RSRC2: variants seen among roughly 807,000 people sequenced by gnomAD.
RSRC2 encodes the protein arginine/serine-rich coiled-coil protein 2.
Under a neutral mutation model 61.3 loss-of-function variants are expected in RSRC2, and 5 were observed. The ratio of observed to expected loss-of-function variants is 0.08; its 90% CI spans 0.04 to 0.17. The LOEUF (loss-of-function observed/expected upper bound fraction) is 0.17, where lower values mean the gene tolerates loss of function less well. Among genes scored for constraint, RSRC2 ranks in the 10% least tolerant of loss-of-function variants. The pLI is 1.00. For synonymous variants in RSRC2, 202 were observed against 166.5 expected, an observed-to-expected ratio of 1.21 and a Z score of -1.64; for missense variants, 381 against 518.8, an observed-to-expected ratio of 0.73 and a Z score of 2.58.
chr12:122,509,855 G>A lies in RSRC2; in HGVS notation c.805+1254C>T, dbSNP rs540366864. 1.2e-3 allele frequency among the ~76,000 whole-genome samples: 186 copies of A among 151,328 alleles called. 1 individual carries two copies. The highest frequency in any genetic ancestry group is 2.8e-3 in the Admixed American group (42 of 15,206). ...TTTTGTTTTTGTTTTTTTCTTTTTCGTGAGACAGGGTCTCACTCTGTCACC... is the reference window on the plus strand; with the variant it reads ...TTTTGTTTTTGTTTTTTTCTTTTTCATGAGACAGGGTCTCACTCTGTCACC... On this transcript the variant is annotated intron_variant, in intron 7 of 9. Transcript: ENST00000331738.
At chr12:122,518,118 C>G (rs1216049278) in intron 4 of RSRC2, among the ~76,000 whole-genome samples, 1 of 151,938 alleles carries the variant, frequency 6.6e-6, no homozygotes, top group East Asian at 1.9e-4. Context: ...ACAACATGGC[C>G]AAAACCCGTC....
In RSRC2 at chr12:122,517,392, C is replaced by T. The variant is rs140060491; in HGVS notation, c.437G>A (p.Arg146Gln). 15 of 1,614,092 alleles carry T rather than the reference C, an allele frequency of 9.3e-6. No individual in the cohort carries two copies. In the Admixed American group the frequency reaches 1.0e-4, roughly 11 times the overall value. The change falls in exon 5 of 10, where the codon CGA (arginine) becomes CAA (glutamine). Residue 146 changes from arginine (R) to glutamine (Q), a missense_variant. By Grantham distance (43) the Arg-to-Gln change is conservative. Transcript: ENST00000331738. ...TTTCTTCCGCTCCCTACTCCTGGAT[C>T]GAGACTTCTTCCGCTCCCTGCTTCT... ...RSRSRERKKS[R>Q]SRSRERKKSR...
At chr12:122,516,325 ACCT>A (rs775108623) in intron 5 of RSRC2, among the ~76,000 whole-genome samples, 1 of 152,154 alleles carries the variant, frequency 6.6e-6, no homozygotes, top group East Asian at 1.9e-4. Flanking sequence ...TTTATTGTAC[ACCT>A]CCTATCTCAA....
At position 122,518,971 on chromosome 12, in the gene RSRC2, T is replaced by G; in HGVS notation, c.266A>C (p.Asn89Thr). 1 of 1,613,730 alleles carries G rather than the reference T, an allele frequency of 6.2e-7. No homozygotes were observed. The highest frequency in any genetic ancestry group is 8.5e-7 in the Non-Finnish European group (1 of 1,179,688). Reference sequence around the variant, plus strand: ...TTTATCAGAAGAATGTTCTTTGTCATTATGTTCCTCAGACTTATGTTTCTT... The same window carrying G: ...TTTATCAGAAGAATGTTCTTTGTCAGTATGTTCCTCAGACTTATGTTTCTT... Reference protein sequence around the residue: ...SSKKHKSEEHNDKEHSSDKGR... With the variant: ...SSKKHKSEEHTDKEHSSDKGR... The change falls in exon 4 of 10, where the codon AAT (asparagine) becomes ACT (threonine). Residue 89 changes from asparagine to threonine, a missense_variant. Around this residue, in one of 4 missense-constraint regions of RSRC2, gnomAD observed 266 missense variants for 270.5 expected, o/e 0.98. Coordinates refer to ENST00000331738, the MANE Select transcript of RSRC2 (RefSeq NM_023012.6).
intron 3 of RSRC2, chr12:122,520,279 A>T (rs911797576): frequency 1.1e-5 from 3 of 262,992 alleles, no homozygotes; most frequent in Non-Finnish European, 1.5e-5. Context: ...TTTTAGTTTC[A>T]TTGCCAGTTC....
At chr12:122,521,454 A>C (rs772872467) in intron 2 of RSRC2, 26 bp from the exon 3 acceptor site, 1 of 1,597,604 alleles carries the variant, frequency 6.3e-7, no homozygotes, top group Non-Finnish European at 8.6e-7. Context: ...AAAAATAATC[A>C]CCATAAACAA....
At chr12:122,515,365 G>A (rs763114851) in intron 5 of RSRC2, 138 bp from the exon 6 acceptor site, 16 of 802,936 alleles carry the variant, frequency 2.0e-5, no homozygotes, top group Non-Finnish European at 2.9e-5. Context: ...TAAAACATCA[G>A]TGTTACAGCT....
chr12:122,505,481 A>G lies in RSRC2; in HGVS notation c.*46T>C, dbSNP rs1428546294. On this transcript the variant is annotated 3_prime_UTR_variant, in exon 10 of 10. Transcript: ENST00000331738. ...GTTTGGTGAACAAGGACGTGACATC[A>G]GAACAAGAAGTCTATAAGTCCCAAA... The G allele has an allele frequency of 5.1e-6, 8 of 1,561,610 alleles. No individual in the cohort carries two copies. Among genetic ancestry groups the G allele is most frequent in the Non-Finnish European group, 7.0e-6 (8 of 1,140,648 alleles).
intron 5 of RSRC2, among the ~76,000 whole-genome samples, chr12:122,515,975 T>A (rs1383181018): frequency 1.3e-5 from 2 of 151,828 alleles, no homozygotes; most frequent in African/African-American, 4.8e-5. Flanking sequence ...GGCGACAGAG[T>A]GAGACTCTGT....
intron 7 of RSRC2, among the ~76,000 whole-genome samples, chr12:122,508,849 G>A (rs113719675): frequency 0.025 from 3,844 of 151,830 alleles, 144 homozygotes; most frequent in African/African-American, 0.085. Context: ...TCAGCTACTC[G>A]GGAGGCTGAC....
At chr12:122,508,970 A>G (rs1300968035) in intron 7 of RSRC2, among the ~76,000 whole-genome samples, 2 of 152,140 alleles carry the variant, frequency 1.3e-5, no homozygotes, top group South Asian at 4.1e-4. Flanking sequence ...ACAAAAAAAA[A>G]ACCCATTTAT....
At chr12:122,520,394 A>T in intron 3 of RSRC2, 1 of 640,466 alleles carries the variant, frequency 1.6e-6, no homozygotes, top group Non-Finnish European at 2.6e-6. Context: ...GTTTATTTCA[A>T]ACCAGTTTTT....
intron 6 of RSRC2, among the ~76,000 whole-genome samples, chr12:122,512,267 G>C (rs1035653495): frequency 1.3e-5 from 2 of 152,194 alleles, no homozygotes; most frequent in African/African-American, 4.8e-5. Flanking sequence ...ATTCCTGAAA[G>C]AGGAACTCTT....
At chr12:122,525,426 A>C (rs987572517) in intron 1 of RSRC2, among the ~76,000 whole-genome samples, 4 of 152,306 alleles carry the variant, frequency 2.6e-5, no homozygotes, top group South Asian at 4.1e-4. Context: ...ATTACTCTTT[A>C]AGTATACTGA....
chr12:122,522,018 G>A, intron 2 of RSRC2, 125 bp downstream of exon 2: 10 of 988,160 alleles, frequency 1.0e-5, no homozygotes, highest in Non-Finnish European at 1.5e-5. Flanking sequence ...CTCCCAAAGT[G>A]CTGGCATTAC....
intron 2 of RSRC2, 79 bp from the exon 3 acceptor site, chr12:122,521,507 GA>G: frequency 1.6e-6 from 2 of 1,215,856 alleles, no homozygotes; most frequent in Non-Finnish European, 2.4e-6. Flanking sequence ...TAATGCTGGA[GA>G]AAAATGACTC....
At chr12:122,515,727 T>C (rs1425863329) in intron 5 of RSRC2, among the ~76,000 whole-genome samples, 1 of 152,176 alleles carries the variant, frequency 6.6e-6, no homozygotes, top group Non-Finnish European at 1.5e-5. Context: ...CTGTGGCTCA[T>C]GCCTGTAATC....
chr12:122,512,471 T>C (rs1446026392), intron 6 of RSRC2, among the ~76,000 whole-genome samples: 1 of 152,222 alleles, frequency 6.6e-6, no homozygotes, highest in Non-Finnish European at 1.5e-5. Context: ...CTCTCGCCTG[T>C]AATTCCAACA....
intron 1 of RSRC2, chr12:122,522,540 G>T: frequency 9.7e-6 from 3 of 308,844 alleles, no homozygotes; most frequent in Middle Eastern, 9.0e-4. Context: ...TTCTAACGAT[G>T]ATTTGTATAA....
Sources: allele counts gnomAD v4.1 joint callset (sites outside exome capture counted in the v4.1 genomes callset), GRCh38; gene constraint gnomAD v4.1.1; regional missense constraint gnomAD v4.1.1; transcripts MANE v1.5; gene names NCBI Gene and HGNC (gene_info 2026-07-23, HGNC 2026-07-21).